Variants in MGAT4C observed in about 807,000 individuals in gnomAD.
MGAT4C encodes MGAT4 family member C.
Under a neutral mutation model 40.1 loss-of-function variants are expected in MGAT4C, and 19 were observed. That is an observed-to-expected ratio of 0.47 (90% CI 0.33 to 0.70). The LOEUF (loss-of-function observed/expected upper bound fraction) is 0.70. Among genes scored for constraint, MGAT4C ranks in the 30% least tolerant of loss-of-function variants. The pLI is 0.02. For synonymous variants in MGAT4C, 181 were observed against 187.1 expected (o/e 0.97, Z 0.27); for missense variants, 491 against 563.2 (o/e 0.87, Z 1.30).
At chr12:86,570,045 G>A (rs1208791184) in intron 2 of MGAT4C, among the ~76,000 whole-genome samples, 1 of 151,952 alleles carries the variant, frequency 6.6e-6, no homozygotes, top group Non-Finnish European at 1.5e-5. Context: ...AGAAGTTGAG[G>A]GTGCAAGCAA....
At chr12:86,426,106 C>T (rs994874683) in intron 3 of MGAT4C, among the ~76,000 whole-genome samples, 1 of 152,096 alleles carries the variant, frequency 6.6e-6, no homozygotes. Context: ...TAGAAGTATA[C>T]AACTTATTTT....
At chr12:86,306,413 A>G (rs1234683280) in intron 4 of MGAT4C, among the ~76,000 whole-genome samples, 1 of 150,692 alleles carries the variant, frequency 6.6e-6, no homozygotes. Context: ...TTAGTCTCAT[A>G]TAAACCATGC....
chr12:86,212,495 T>C (rs1460162003), intron 1 of MGAT4C, among the ~76,000 whole-genome samples: 1 of 152,122 alleles, frequency 6.6e-6, no homozygotes, highest in African/African-American at 2.4e-5. Context: ...TTTATTGGGT[T>C]ATATTATCAT....
intron 4 of MGAT4C, among the ~76,000 whole-genome samples, chr12:86,295,958 A>G (rs1953660637): frequency 6.8e-6 from 1 of 147,960 alleles, no homozygotes; most frequent in Non-Finnish European, 1.5e-5. Context: ...AGGCCCCACC[A>G]GAGCAGCTAG....
intron 1 of MGAT4C, among the ~76,000 whole-genome samples, chr12:86,742,291 T>C (rs1310339660): frequency 6.6e-6 from 1 of 151,548 alleles, no homozygotes; most frequent in Non-Finnish European, 1.5e-5. Flanking sequence ...AAATTCTTCC[T>C]TTTTCTCAAG....
chr12:86,042,816 C>G (rs1891995058), intron 2 of MGAT4C, among the ~76,000 whole-genome samples: 1 of 136,600 alleles, frequency 7.3e-6, no homozygotes, highest in African/African-American at 2.7e-5. Flanking sequence ...TGCAGTGAGC[C>G]AAGATCATGC....
intron 3 of MGAT4C, among the ~76,000 whole-genome samples, chr12:86,349,136 C>T (rs1479185942): frequency 6.6e-6 from 1 of 152,078 alleles, no homozygotes; most frequent in Non-Finnish European, 1.5e-5. Flanking sequence ...TAACCATGTC[C>T]TTGAAATCTT....
chr12:86,649,080 T>G (rs1046675372), intron 2 of MGAT4C, among the ~76,000 whole-genome samples: 2 of 151,866 alleles, frequency 1.3e-5, no homozygotes, highest in Non-Finnish European at 2.9e-5. Flanking sequence ...TCAATGATTA[T>G]AGTAATAACA....
chr12:86,740,555 T>C (rs1182978823), intron 1 of MGAT4C, among the ~76,000 whole-genome samples: 1 of 151,256 alleles, frequency 6.6e-6, no homozygotes. Context: ...ATTTTGTAGT[T>C]TTTATGCATA....
intron 2 of MGAT4C, among the ~76,000 whole-genome samples, chr12:86,556,229 T>C (rs138828824): frequency 0.01 from 1,574 of 152,284 alleles, 9 homozygotes; most frequent in Non-Finnish European, 0.014. Flanking sequence ...ATATAAGTAA[T>C]GTATAGTATT....
chr12:86,495,430 C>A (rs1351753758), intron 2 of MGAT4C: 1 of 151,998 alleles, frequency 6.6e-6, no homozygotes, highest in Non-Finnish European at 1.5e-5. Context: ...AGCTCAGTGG[C>A]AAATGAAAAT....
chr12:86,156,219 T>C (rs922681935), intron 1 of MGAT4C, among the ~76,000 whole-genome samples: 2 of 152,218 alleles, frequency 1.3e-5, no homozygotes, highest in East Asian at 1.9e-4. Context: ...CCAGAGATTA[T>C]TGTGTTTATC....
chr12:86,430,224 T>C (rs1957006808), intron 3 of MGAT4C, among the ~76,000 whole-genome samples: 1 of 152,190 alleles, frequency 6.6e-6, no homozygotes, highest in South Asian at 2.1e-4. Flanking sequence ...TTTTTTAGTA[T>C]TATTTTGATT....
intron 2 of MGAT4C, among the ~76,000 whole-genome samples, chr12:86,510,282 G>A (rs1028732315): frequency 6.6e-6 from 1 of 151,862 alleles, no homozygotes; most frequent in African/African-American, 2.4e-5. Context: ...GGGTTGTCAA[G>A]CAAATGCTGA....
chr12:86,146,581 CG>C (rs1341186541), intron 1 of MGAT4C, among the ~76,000 whole-genome samples: 8 of 151,994 alleles, frequency 5.3e-5, no homozygotes, highest in Non-Finnish European at 1.2e-4. Context: ...GGAAGTTATC[CG>C]ATCTAATGGC....
chr12:86,107,295 T>C (rs1274532321), intron 1 of MGAT4C, among the ~76,000 whole-genome samples: 1 of 152,136 alleles, frequency 6.6e-6, no homozygotes, highest in Non-Finnish European at 1.5e-5. Flanking sequence ...GGCTGAGTAA[T>C]AACAGTTTAT....
chr12:86,115,665 A>T (rs1484425494), intron 1 of MGAT4C, among the ~76,000 whole-genome samples: 1 of 152,032 alleles, frequency 6.6e-6, no homozygotes, highest in African/African-American at 2.4e-5. Flanking sequence ...TTCTTATTTC[A>T]AAGGGGAATA....
intron 1 of MGAT4C, among the ~76,000 whole-genome samples, chr12:86,751,788 C>T (rs984423228): frequency 1.4e-4 from 21 of 151,958 alleles, no homozygotes; most frequent in Non-Finnish European, 1.3e-4. Flanking sequence ...AATATCAACA[C>T]AAGCCTATCC....
At chr12:86,194,060 T>G (rs1028385954) in intron 1 of MGAT4C, among the ~76,000 whole-genome samples, 1 of 152,062 alleles carries the variant, frequency 6.6e-6, no homozygotes, top group African/African-American at 2.4e-5. Flanking sequence ...CTTGTATGCT[T>G]TGTAATGTAT....
Sources: gnomAD v4.1 joint callset for allele counts (sites outside exome capture counted in the v4.1 genomes callset) on GRCh38, gnomAD v4.1.1 for gene constraint, MANE v1.5 for transcripts, NCBI Gene and HGNC (gene_info 2026-07-23, HGNC 2026-07-21) for gene names.